KIR2DL4: variants seen among roughly 807,000 people sequenced by gnomAD.
The protein encoded by KIR2DL4 is killer cell immunoglobulin like receptor, two Ig domains and long cytoplasmic tail 4.
Under a neutral mutation model 31.0 loss-of-function variants are expected in KIR2DL4, and 41 were observed. The ratio of observed to expected loss-of-function variants is 1.32; its 90% confidence interval spans 1.03 to 1.72. KIR2DL4 has a LOEUF of 1.72. Ranked by LOEUF, KIR2DL4 falls within the 40% of genes most tolerant of loss-of-function variation. KIR2DL4 has a pLI of 0.00. For missense variants in KIR2DL4, 438 were observed against 353.7 expected (o/e 1.24, Z -1.91); for synonymous variants, 164 against 133.6 (o/e 1.23, Z -1.57).
chr19:54,804,683 A>C, intron 2 of KIR2DL4, 110 bp from the exon 3 acceptor site: 1 of 1,190,812 alleles, frequency 8.4e-7, no homozygotes, highest in Non-Finnish European at 1.2e-6. Flanking sequence ...CCAGGCACCC[A>C]GGTGTGGTAG....
chr19:54,808,867 A>G, exon 5 of KIR2DL4: 7 of 1,604,988 alleles, frequency 4.4e-6, no homozygotes, highest in Non-Finnish European at 6.0e-6. Flanking sequence ...CACCCACTGA[A>G]CCAAGCTTCA....
At position 54,814,146 on chromosome 19, in the gene KIR2DL4, C is replaced by T. The variant is rs2061068857; in HGVS notation, c.*346C>T. The T allele has an allele frequency of 5.0e-6, 8 of 1,601,928 alleles. No homozygotes were observed. In the South Asian group the frequency reaches 7.8e-5, roughly 16 times the overall value. On this transcript the variant is annotated 3_prime_UTR_variant, in exon 8 of 8. Coordinates refer to ENST00000359085, the Ensembl canonical transcript of KIR2DL4. ...TCTCCATCTTAGAGCATCACTCTTC[C>T]TCACACCACAAATCTGGTGCCTGTC...
rs2061037453 is a variant in KIR2DL4 at position 54,813,868 on chromosome 19, G to A, written c.*68G>A. On this transcript the variant is annotated 3_prime_UTR_variant, in exon 8 of 8. Coordinates refer to ENST00000359085, the Ensembl canonical transcript of KIR2DL4. ...ACTCTGATGAACAAGACCCTCAGGA[G>A]GTGACATACGCACAGTTGGATCACT... The A allele has an allele frequency of 1.4e-5, 23 of 1,612,464 alleles. 2 individuals are homozygous for A. In the South Asian group the frequency reaches 2.1e-4, roughly 15 times the overall value.
exon 8 of KIR2DL4, chr19:54,814,105 A>C: frequency 6.2e-7 from 1 of 1,610,952 alleles, no homozygotes; most frequent in Admixed American, 1.7e-5. Flanking sequence ...CAGCAGCTGG[A>C]ATCTGAAGGC....
intron 4 of KIR2DL4, among the ~76,000 whole-genome samples, chr19:54,808,277 C>A (rs1322790634): frequency 6.6e-6 from 1 of 150,542 alleles, no homozygotes; most frequent in Non-Finnish European, 1.5e-5. Context: ...AAATGTCTTC[C>A]CTCAGACAAA....
intron 5 of KIR2DL4, among the ~76,000 whole-genome samples, chr19:54,812,972 G>A (rs1200706956): frequency 2.1e-5 from 3 of 141,812 alleles, no homozygotes; most frequent in East Asian, 2.1e-4. Context: ...AAACTATAAC[G>A]GAGAAAGCAG....
chr19:54,805,702 G>A (rs1250142006), intron 3 of KIR2DL4, among the ~76,000 whole-genome samples: 2 of 151,196 alleles, frequency 1.3e-5, no homozygotes, highest in Non-Finnish European at 2.9e-5. Flanking sequence ...CAGGAACCCA[G>A]GTGAAGGACA....
Position 54,813,710 on chromosome 19 carries a change from G to C in KIR2DL4, c.*9G>C, listed in dbSNP as rs1255727886. On this transcript the variant is annotated 3_prime_UTR_variant, in exon 7 of 8. Transcript: ENST00000359085. ...TACAGATGCTGCTGTAATGAACCAAGAGCCTGCGGGACACAGAACAGTGAA... is the reference window on the plus strand; with the variant it reads ...TACAGATGCTGCTGTAATGAACCAACAGCCTGCGGGACACAGAACAGTGAA... 2.5e-6 allele frequency: 4 copies of C among 1,611,884 alleles called. No individual in the cohort carries two copies. In the East Asian group the frequency reaches 6.7e-5, roughly 27 times the overall value.
At chr19:54,808,475 A>T (rs1427914785) in intron 4 of KIR2DL4, among the ~76,000 whole-genome samples, 18 of 150,804 alleles carry the variant, frequency 1.2e-4, no homozygotes, top group African/African-American at 4.2e-4. Context: ...CAGATTGTAG[A>T]TTCTTCGAAC....
intron 5 of KIR2DL4, among the ~76,000 whole-genome samples, chr19:54,809,501 G>T (rs1469635266): frequency 6.6e-6 from 1 of 151,162 alleles, no homozygotes; most frequent in Admixed American, 6.6e-5. Context: ...CTGTAGCTCA[G>T]AAGTATGAAA....
At position 54,814,043 on chromosome 19, in the gene KIR2DL4, T is replaced by C. The variant is rs972676599; in HGVS notation, c.*243T>C. ...CCACAGTCAGGCCTTGATGGGATCTTCTAGGGAGACAACAGCCCTGTCTCA... is the reference window on the plus strand; with the variant it reads ...CCACAGTCAGGCCTTGATGGGATCTCCTAGGGAGACAACAGCCCTGTCTCA... On this transcript the variant is annotated 3_prime_UTR_variant, in exon 8 of 8. Coordinates refer to ENST00000359085, the Ensembl canonical transcript of KIR2DL4. 3.0e-4 allele frequency: 489 copies of C among 1,612,292 alleles called. 29 individuals are homozygous for C. In the South Asian group the frequency reaches 4.1e-3, roughly 13 times the overall value.
At chr19:54,807,682 C>T (rs1171100552) in intron 4 of KIR2DL4, among the ~76,000 whole-genome samples, 2 of 149,562 alleles carry the variant, frequency 1.3e-5, no homozygotes, top group Non-Finnish European at 3.0e-5. Context: ...CAGTGATCTG[C>T]CCACTTCAGC....
At chr19:54,803,727 C>A in intron 1 of KIR2DL4, 36 bp downstream of exon 1, 1 of 1,604,158 alleles carries the variant, frequency 6.2e-7, no homozygotes, top group Non-Finnish European at 8.5e-7. Flanking sequence ...CAGGGTTACA[C>A]TATGGGCCTG....
exon 3 of KIR2DL4, chr19:54,804,914 T>C: frequency 6.2e-7 from 1 of 1,612,298 alleles, no homozygotes; most frequent in Non-Finnish European, 8.5e-7. Flanking sequence ...ACAAGAAAGA[T>C]GGGGTCCCTG....
chr19:54,806,192 A>G (rs1397211208), exon 4 of KIR2DL4: 2 of 1,610,448 alleles, frequency 1.2e-6, no homozygotes, highest in East Asian at 4.5e-5. Flanking sequence ...CTTTCCATGG[A>G]TCTCCCTACG....
intron 4 of KIR2DL4, among the ~76,000 whole-genome samples, chr19:54,808,109 C>T (rs1359983861): frequency 6.6e-6 from 1 of 150,602 alleles, no homozygotes; most frequent in East Asian, 1.9e-4. Flanking sequence ...ATCTCAGATG[C>T]ATAGTTTGCA....
chr19:54,806,260 G>A lies in KIR2DL4; in HGVS notation c.655+16G>A. 1 of 1,606,066 alleles carries A rather than the reference G, an allele frequency of 6.2e-7. No homozygotes were observed. Among genetic ancestry groups the A allele is most frequent in the South Asian group, 1.1e-5 (1 of 90,298 alleles). The stretch of plus-strand genomic sequence containing the variant: ...TCTGTCACAGGTGAGGAAAGCCAAT[G>A]TCTGTCCCATGTCCTATGGTCCTAG... On this transcript the variant is annotated intron_variant, in intron 4 of 7. Coordinates refer to ENST00000359085, the Ensembl canonical transcript of KIR2DL4.
chr19:54,808,395 T>G (rs1214156184), intron 4 of KIR2DL4, among the ~76,000 whole-genome samples: 1 of 151,362 alleles, frequency 6.6e-6, no homozygotes, highest in Admixed American at 6.6e-5. Context: ...GAGGTAGAGG[T>G]GCAGTTTCAT....
exon 5 of KIR2DL4, chr19:54,808,872 G>A (rs2060686748): frequency 6.2e-7 from 1 of 1,604,740 alleles, no homozygotes; most frequent in Admixed American, 1.7e-5. Flanking sequence ...ACTGAACCAA[G>A]CTTCAAAACT....
Sources: gnomAD v4.1 joint callset for allele counts (sites outside exome capture counted in the v4.1 genomes callset) on GRCh38, gnomAD v4.1.1 for gene constraint, MANE v1.5 for transcripts, NCBI Gene and HGNC (gene_info 2026-07-23, HGNC 2026-07-21) for gene names.